PCNX1: variants seen among roughly 807,000 people sequenced by gnomAD.
PCNX1 encodes the protein pecanex-like protein 1.
A neutral mutation model predicts 242.2 loss-of-function variants in PCNX1; 78 were observed. The ratio of observed to expected loss-of-function variants is 0.32; its 90% CI spans 0.27 to 0.39. The LOEUF is 0.39. Among genes scored for constraint, PCNX1 ranks in the 10% least tolerant of loss-of-function variants. The pLI is 1.00. For synonymous variants in PCNX1, 1,024 were observed against 1,032.9 expected (o/e 0.99, Z 0.17); for missense variants, 2,581 against 2,856.5 (o/e 0.90, Z 2.20).
At chr14:70,984,996 G>C (rs547129032) in intron 6 of PCNX1, among the ~76,000 whole-genome samples, 3 of 152,134 alleles carry the variant, frequency 2.0e-5, no homozygotes, top group Non-Finnish European at 4.4e-5. Flanking sequence ...TCCTGAGGTG[G>C]GAGGTATGTA....
chr14:71,103,609 T>G lies in PCNX1; in HGVS notation c.6035T>G (p.Ile2012Ser). The G allele has an allele frequency of 1.2e-6, 2 of 1,614,136 alleles. No homozygotes were observed. Among genetic ancestry groups the G allele is most frequent in the Non-Finnish European group, 8.5e-7 (1 of 1,179,984 alleles). ...GACAGCCACGAACAGCTTAAAGACATTCTTGGGGGTCCTATCAGCTTGGGA... is the reference window on the plus strand; with the variant it reads ...GACAGCCACGAACAGCTTAAAGACAGTCTTGGGGGTCCTATCAGCTTGGGA... ...YSDSHEQLKD[I>S]LGGPISLGNI... The change falls in exon 32 of 36, where the codon ATT (isoleucine) becomes AGT (serine). Residue 2012 changes from isoleucine to serine, a missense_variant. This residue lies in a region of PCNX1 where 432 missense variants were observed against 433.6 expected (regional missense o/e 1.00). Coordinates refer to ENST00000304743, the MANE Select transcript of PCNX1 (RefSeq NM_014982.3).
chr14:71,057,753 G>C, intron 26 of PCNX1, 29 bp downstream of exon 26: 2 of 1,438,230 alleles, frequency 1.4e-6, no homozygotes, highest in Non-Finnish European at 2.0e-6. Flanking sequence ...TTTTATTTCT[G>C]TAGCATACTC....
At chr14:70,926,338 C>T (rs2056590639) in intron 1 of PCNX1, among the ~76,000 whole-genome samples, 1 of 152,150 alleles carries the variant, frequency 6.6e-6, no homozygotes, top group Admixed American at 6.5e-5. Context: ...ATTGCCCCTG[C>T]CGTCTCACCT....
chr14:71,013,086 C>T lies in PCNX1; in HGVS notation c.2880C>T (p.Tyr960=), dbSNP rs182987509. 128 of 1,613,914 alleles carry T rather than the reference C, an allele frequency of 7.9e-5. No homozygotes were observed. The highest frequency in any genetic ancestry group is 4.2e-4 in the Admixed American group (25 of 60,018). The part of the protein sequence containing the change: ...IDLSPDLAAT[Y]GPTEEAAQKV... Reference sequence around the variant, plus strand: ...TAAGCCCTGACTTGGCAGCTACTTACGGCCCAACAGAAGAAGCTGCCCAAA... The same window carrying T: ...TAAGCCCTGACTTGGCAGCTACTTATGGCCCAACAGAAGAAGCTGCCCAAA... The change falls in exon 11 of 36, where the codon TAC becomes TAT. Residue 960 remains tyrosine, a synonymous_variant. Coordinates refer to ENST00000304743, the MANE Select transcript of PCNX1 (RefSeq NM_014982.3).
In PCNX1 at chr14:71,081,572, C is replaced by T. The variant is rs139666634; in HGVS notation, c.5337+5153C>T. 1.2e-4 allele frequency among the ~76,000 whole-genome samples: 19 copies of T among 152,200 alleles called. No homozygotes were observed. In the East Asian group the frequency reaches 3.3e-3, roughly 26 times the overall value. On this transcript the variant is annotated intron_variant, in intron 28 of 35. Coordinates refer to ENST00000304743, the MANE Select transcript of PCNX1 (RefSeq NM_014982.3). ...CTTGTTATTGATCTATTCAGGGATT[C>T]GACTTCTTCTTGGTTTATACTTGGG...
At chr14:71,077,048 T>C (rs926931597) in intron 28 of PCNX1, among the ~76,000 whole-genome samples, 5 of 152,188 alleles carry the variant, frequency 3.3e-5, no homozygotes, top group African/African-American at 4.8e-5. Context: ...CTTGTAAAAA[T>C]GCAGATTCCT....
chr14:71,035,000 A>G lies in PCNX1; in HGVS notation c.3774+964A>G, dbSNP rs1374143372. Among the ~76,000 whole-genome samples the G allele has an allele frequency of 2.0e-5, 3 of 152,216 alleles. No homozygotes were observed. The East Asian group carries it at 5.8e-4, about 29-fold the overall frequency. On this transcript the variant is annotated intron_variant, in intron 18 of 35. Transcript: ENST00000304743. ...AATAGGACTTAAGCACACAGTTTTC[A>G]CATGTCAAAAGACCAATGAAGATAT...
intron 1 of PCNX1, among the ~76,000 whole-genome samples, chr14:70,908,237 G>T (rs1418104391): frequency 2.0e-5 from 3 of 151,800 alleles, no homozygotes; most frequent in Non-Finnish European, 4.4e-5. Context: ...GCCCCCGCCC[G>T]CTCACTGGGA....
At chr14:71,008,757 G>C (rs922834959) in intron 8 of PCNX1, among the ~76,000 whole-genome samples, 2 of 147,552 alleles carry the variant, frequency 1.4e-5, no homozygotes, top group African/African-American at 5.0e-5. Context: ...ACCTGGACTA[G>C]ACCAAATGGT....
At chr14:70,936,974 GGTTT>G (rs748398870) in intron 1 of PCNX1, among the ~76,000 whole-genome samples, 1 of 152,024 alleles carries the variant, frequency 6.6e-6, no homozygotes, top group African/African-American at 2.4e-5. Flanking sequence ...CTTTTTGATG[GGTTT>G]GTTTGATTGT....
intron 28 of PCNX1, among the ~76,000 whole-genome samples, chr14:71,088,016 A>G (rs2062036788): frequency 6.6e-6 from 1 of 152,062 alleles, no homozygotes. Flanking sequence ...TATTTTCAAG[A>G]GAGGGTAATA....
chr14:71,062,857 C>T (rs1327636532), intron 26 of PCNX1, among the ~76,000 whole-genome samples: 1 of 152,092 alleles, frequency 6.6e-6, no homozygotes, highest in Non-Finnish European at 1.5e-5. Context: ...CATTTTTTAT[C>T]TTTTTGCCAT....
chr14:71,109,868 T>C lies in PCNX1; in HGVS notation c.6959T>C (p.Val2320Ala). ...RSHIDKAVLLVQIDDKYVTVI... is the reference protein window; with the variant it reads ...RSHIDKAVLLAQIDDKYVTVI... ...CACATCGACAAGGCAGTGCTTCTGG[T>C]CCAGATTGATGATAAATATGTGACT... The change falls in exon 36 of 36, where the codon GTC becomes GCC. Residue 2320 changes from valine to alanine, a missense_variant. Physicochemically the swap from Val to Ala is moderately conservative, Grantham distance 64. Coordinates refer to ENST00000304743, the MANE Select transcript of PCNX1 (RefSeq NM_014982.3). 1.2e-6 allele frequency: 2 copies of C among 1,613,182 alleles called. No homozygotes were observed. The highest frequency in any genetic ancestry group is 1.7e-6 in the Non-Finnish European group (2 of 1,179,192).
chr14:71,113,246 A>G lies in PCNX1; in HGVS notation c.*3311A>G, dbSNP rs1365547739. ...TACTGGAGGATGATAATCTATTTCT[A>G]TTAGATTCGAAGTATTTTGGAAAAT... On this transcript the variant is annotated 3_prime_UTR_variant, in exon 36 of 36. Coordinates refer to ENST00000304743, the MANE Select transcript of PCNX1 (RefSeq NM_014982.3). The G allele has an allele frequency of 1.3e-5, 2 of 152,312 alleles. No homozygotes were observed. The highest frequency in any genetic ancestry group is 2.1e-4 in the South Asian group (1 of 4,828). The allele number at this position is 152,312 out of a possible 1,614,324, so 9.4% of individuals were successfully genotyped here. A position where few individuals can be genotyped will look rare whatever the true frequency, so the allele number is the denominator to read the frequency against.
At position 70,995,899 on chromosome 14, in the gene PCNX1, G is replaced by A. The variant is rs777976229; in HGVS notation, c.2603G>A (p.Gly868Asp). 3 of 1,614,072 alleles carry A rather than the reference G, an allele frequency of 1.9e-6. No homozygotes were observed. Among genetic ancestry groups the A allele is most frequent in the East Asian group, 2.2e-5 (1 of 44,880 alleles). ...TCACATGACAATGCATCTGCTGTAGGCGGTAGCAGTTTGCACGATGAACTT... is the reference window on the plus strand; with the variant it reads ...TCACATGACAATGCATCTGCTGTAGACGGTAGCAGTTTGCACGATGAACTT... ...EASHDNASAV[G>D]GSSLHDELGK... Residue 868 changes from glycine (G) to aspartate (D), a missense_variant, in exon 8 of 36, where the codon GGC (glycine) becomes GAC (aspartate). Around this residue, in one of 9 missense-constraint regions of PCNX1, gnomAD observed 1,204 missense variants for 1,216.7 expected, o/e 0.99. Coordinates refer to ENST00000304743, the MANE Select transcript of PCNX1 (RefSeq NM_014982.3).
At chr14:70,984,198 A>G (rs893770212) in intron 6 of PCNX1, among the ~76,000 whole-genome samples, 1 of 151,076 alleles carries the variant, frequency 6.6e-6, no homozygotes, top group Admixed American at 6.6e-5. Flanking sequence ...ATCTTTCCAG[A>G]TTTACACCTT....
At chr14:71,078,468 A>G (rs1287430400) in intron 28 of PCNX1, among the ~76,000 whole-genome samples, 5 of 152,204 alleles carry the variant, frequency 3.3e-5, no homozygotes, top group African/African-American at 7.2e-5. Context: ...AAATGAAAAG[A>G]TTCATCTCAG....
At chr14:70,962,476 A>C in intron 3 of PCNX1, 145 bp downstream of exon 3, 1 of 556,692 alleles carries the variant, frequency 1.8e-6, no homozygotes, top group Non-Finnish European at 3.2e-6. Flanking sequence ...TCTTTTATTA[A>C]TATTCTTTTT....
At chr14:71,005,798 T>A (rs2059639554) in intron 8 of PCNX1, among the ~76,000 whole-genome samples, 1 of 152,212 alleles carries the variant, frequency 6.6e-6, no homozygotes, top group Non-Finnish European at 1.5e-5. Flanking sequence ...TTCATTGACC[T>A]ATAGTTGTTA....
Sources: gnomAD v4.1 joint callset for allele counts (sites outside exome capture counted in the v4.1 genomes callset) on GRCh38, gnomAD v4.1.1 for gene constraint, gnomAD v4.1.1 regional missense constraint, MANE v1.5 for transcripts, NCBI Gene and HGNC (gene_info 2026-07-23, HGNC 2026-07-21) for gene names.